Variants in WIZ observed in about 807,000 individuals in gnomAD.
WIZ encodes protein Wiz.
In WIZ, 25 loss-of-function variants were observed where a neutral mutation model predicts 140.2. The ratio of observed to expected loss-of-function variants is 0.18; its 90% CI spans 0.13 to 0.25. The LOEUF is 0.25. Among genes scored for constraint, WIZ ranks in the 10% least tolerant of loss-of-function variants. The pLI is 1.00. For missense variants in WIZ, 2,231 were observed against 2,632.6 expected (o/e 0.85, Z 3.34); for synonymous variants, 1,125 against 1,154.3 (o/e 0.97, Z 0.51).
Position 15,424,173 on chromosome 19 carries a change from G to C in WIZ, c.5510+10C>G. 6.7e-7 allele frequency: 1 copy of C among 1,501,194 alleles called. No homozygotes were observed. The highest frequency in any genetic ancestry group is 8.9e-7 in the Non-Finnish European group (1 of 1,126,074). 93.0% of individuals were successfully genotyped at this position (1,501,194 alleles called of 1,614,324 possible). A position where few individuals can be genotyped will look rare whatever the true frequency, so the allele number is the denominator to read the frequency against. ...AGGTGGTCTCCCTCCCTCCCCCAGG[G>C]GCAGCCTACCTGCATTTGAGGGTGT... On this transcript the variant is annotated intron_variant, in intron 12 of 12. Coordinates refer to ENST00000673675, the MANE Select transcript of WIZ (RefSeq NM_001371589.1). This position sits in a 1 kb window ranked among gnomAD's most constrained non-coding sequence, Gnocchi z 9.7.
At chr19:15,426,254 G>A (rs1422207969) in intron 9 of WIZ, among the ~76,000 whole-genome samples, 1 of 152,062 alleles carries the variant, frequency 6.6e-6, no homozygotes, top group East Asian at 1.9e-4. Flanking sequence ...GCACAGAGCT[G>A]GTACACAACA....
chr19:15,429,163 A>G lies in WIZ; in HGVS notation c.3415+423T>C, dbSNP rs576878842. On this transcript the variant is annotated intron_variant, in intron 7 of 12. Coordinates refer to ENST00000673675, the MANE Select transcript of WIZ (RefSeq NM_001371589.1). ...TGGACAGCCAGGAAGACTTGATGACAGGACCAATCGTGGGCACCTCCCATC... is the reference window on the plus strand; with the variant it reads ...TGGACAGCCAGGAAGACTTGATGACGGGACCAATCGTGGGCACCTCCCATC... Among the ~76,000 whole-genome samples, 180 of 152,280 alleles carry G rather than the reference A, an allele frequency of 1.2e-3. 1 individual carries two copies. Among genetic ancestry groups the G allele is most frequent in the Admixed American group, 1.4e-3 (21 of 15,302 alleles).
rs936061710 is a variant in WIZ at position 15,420,133 on chromosome 19, C to G, written c.*2943G>C. On this transcript the variant is annotated 3_prime_UTR_variant, in exon 13 of 13. Transcript: ENST00000673675. ...CAGGATGTGCTTCACACAATTCAGA[C>G]AGGTAGAGAGAGGAGGAGGAAGCAA... is the stretch of plus-strand genomic sequence containing the variant. 2.0e-5 allele frequency: 3 copies of G among 152,170 alleles called. No individual in the cohort carries two copies. Among genetic ancestry groups the G allele is most frequent in the Non-Finnish European group, 4.4e-5 (3 of 68,046 alleles). 9.4% of individuals were successfully genotyped at this position (152,170 alleles called of 1,614,324 possible).
chr19:15,440,022 G>A lies in WIZ; in HGVS notation c.972C>T (p.Phe324=). ...VFPCIECSIY[F]KQKEHLLEHM... ...GCTCCAGGAGGTGCTCCTTCTGCTT[G>A]AAGTAGATGCTGCACTCGATGCATG... The change falls in exon 4 of 13, where the codon TTC becomes TTT. Residue 324 remains phenylalanine, a synonymous_variant. Transcript: ENST00000673675. The surrounding 1 kb of genome is among the most constrained non-coding windows in gnomAD (Gnocchi z 6.2). 6.5e-7 allele frequency: 1 copy of A among 1,535,838 alleles called. No individual in the cohort carries two copies. The highest frequency in any genetic ancestry group is 2.4e-5 in the East Asian group (1 of 40,862).
chr19:15,444,195 C>T (rs1969840224), intron 2 of WIZ, among the ~76,000 whole-genome samples: 2 of 152,210 alleles, frequency 1.3e-5, no homozygotes, highest in South Asian at 4.2e-4. Context: ...CCTCATCATC[C>T]AATTGGCCCG....
Position 15,421,457 on chromosome 19 carries a change from A to T in WIZ, c.*1619T>A, listed in dbSNP as rs193085013. On this transcript the variant is annotated 3_prime_UTR_variant, in exon 13 of 13. Transcript: ENST00000673675. ...GTCCACACGCCATGAGGTCGTTCCC[A>T]CTCTCCAGCACTTGACCGTTTAGTA... 3.4e-4 allele frequency: 52 copies of T among 152,336 alleles called. No homozygotes were observed. The highest frequency in any genetic ancestry group is 1.2e-3 in the African/African-American group (49 of 41,530). The allele number at this position is 152,336 out of a possible 1,614,324, so 9.4% of individuals were successfully genotyped here.
rs548105462 is a variant in WIZ at position 15,424,776 on chromosome 19, C to G, written c.5151G>C (p.Pro1717=). The stretch of plus-strand genomic sequence containing the variant: ...GGCCCCCGGGTGCCAGCCCCAGGGA[C>G]GGCCGCTTGTCACTGTCACGGCCAT... ...AGHGRDSDKR[P]SLGLAPGGLA... is the part of the protein sequence containing the mutation. Residue 1717 remains proline (P), a synonymous_variant, in exon 11 of 13, where the codon CCG becomes CCC. Transcript: ENST00000673675. This position sits in a 1 kb window ranked among gnomAD's most constrained non-coding sequence, Gnocchi z 9.7. The G allele has an allele frequency of 6.3e-7, 1 of 1,586,488 alleles. No homozygotes were observed. Among genetic ancestry groups the G allele is most frequent in the Non-Finnish European group, 8.6e-7 (1 of 1,168,260 alleles).
chr19:15,427,660 G>T lies in WIZ; in HGVS notation c.3815-127C>A. 9.2e-7 allele frequency: 1 copy of T among 1,086,118 alleles called. No individual in the cohort carries two copies. The allele number at this position is 1,086,118 out of a possible 1,614,324, so 67.3% of individuals were successfully genotyped here. ...CCACAGGTTAGGGTGGTGAGGGCAG[G>T]TGCAGGTAAGGGAGTGGAGGAGCGG... On this transcript the variant is annotated intron_variant, in intron 8 of 12. Transcript: ENST00000673675. This position sits in a 1 kb window ranked among gnomAD's most constrained non-coding sequence, Gnocchi z 6.4.
chr19:15,424,830 G>C lies in WIZ; in HGVS notation c.5097C>G (p.Pro1699=). The C allele has an allele frequency of 6.2e-7, 1 of 1,609,898 alleles. No homozygotes were observed. Residue 1699 remains proline, a synonymous_variant, in exon 11 of 13, where the codon CCC becomes CCG. Transcript: ENST00000673675. The surrounding 1 kb of genome is among the most constrained non-coding windows in gnomAD (Gnocchi z 9.7). Reference sequence around the variant, plus strand: ...CGGCACTGCGGAACTTCTTGGTGAAGGGGCGGCCGCCCTGGATGTAGCTGC... The same window carrying C: ...CGGCACTGCGGAACTTCTTGGTGAACGGGCGGCCGCCCTGGATGTAGCTGC... ...AYRSYIQGGR[P]FTKKFRSAGH... is the part of the protein sequence containing the mutation.
In WIZ at chr19:15,427,177, T is replaced by C. The variant is rs1168786626; in HGVS notation, c.4171A>G (p.Thr1391Ala). The C allele has an allele frequency of 1.2e-6, 2 of 1,613,928 alleles. No individual in the cohort carries two copies. Among genetic ancestry groups the C allele is most frequent in the African/African-American group, 1.3e-5 (1 of 74,846 alleles). The change falls in exon 9 of 13, where the codon ACT (threonine) becomes GCT (alanine). Residue 1391 changes from threonine to alanine, a missense_variant. Around this residue, in one of 15 missense-constraint regions of WIZ, gnomAD observed 393 missense variants for 451.7 expected, o/e 0.87. Transcript: ENST00000673675. This position sits in a 1 kb window ranked among gnomAD's most constrained non-coding sequence, Gnocchi z 6.4. Reference protein sequence around the residue: ...PPGSPLGHSPTASPPPTARKM... With the variant: ...PPGSPLGHSPAASPPPTARKM... Reference sequence around the variant, plus strand: ...CGGGCCGTAGGAGGAGGAGAGGCAGTTGGTGAGTGGCCCAGGGGGCTGCCC... The same window carrying C: ...CGGGCCGTAGGAGGAGGAGAGGCAGCTGGTGAGTGGCCCAGGGGGCTGCCC...
Position 15,439,760 on chromosome 19 carries a change from A to C in WIZ, c.1234T>G (p.Ser412Ala). The C allele has an allele frequency of 6.8e-7, 1 of 1,479,472 alleles. No individual in the cohort carries two copies. Among genetic ancestry groups the C allele is most frequent in the Non-Finnish European group, 8.9e-7 (1 of 1,120,076 alleles). 91.6% of individuals were successfully genotyped at this position (1,479,472 alleles called of 1,614,324 possible). A position where few individuals can be genotyped will look rare whatever the true frequency, so the allele number is the denominator to read the frequency against. ...GCATGCTGCACATAGGCCCTGGATG[A>C]ATTGGTGCCAAAGACACACTTAGGG... The part of the protein sequence containing the change: ...QCPKCVFGTN[S>A]SRAYVQHAKL... Residue 412 changes from serine to alanine, a missense_variant, in exon 4 of 13, where the codon TCA (serine) becomes GCA (alanine). This residue lies in a region of WIZ where 475 missense variants were observed against 520.2 expected (regional missense o/e 0.91). Coordinates refer to ENST00000673675, the MANE Select transcript of WIZ (RefSeq NM_001371589.1). This position sits in a 1 kb window ranked among gnomAD's most constrained non-coding sequence, Gnocchi z 7.0.
At position 15,442,520 on chromosome 19, in the gene WIZ, C is replaced by T. The variant is rs984385756; in HGVS notation, c.278+156G>A. Reference sequence around the variant, plus strand: ...AGACCTCCCCCAACCCCAGCACACGCCCAGGGGCTTGCCTGCCGGGAGCTG... The same window carrying T: ...AGACCTCCCCCAACCCCAGCACACGTCCAGGGGCTTGCCTGCCGGGAGCTG... On this transcript the variant is annotated intron_variant, in intron 3 of 12. Transcript: ENST00000673675. The surrounding 1 kb of genome is among the most constrained non-coding windows in gnomAD (Gnocchi z 5.5). Among the ~76,000 whole-genome samples the T allele has an allele frequency of 6.6e-6, 1 of 152,154 alleles. No homozygotes were observed. The highest frequency in any genetic ancestry group is 6.5e-5 in the Admixed American group (1 of 15,290).
At position 15,424,691 on chromosome 19, in the gene WIZ, C is replaced by G; in HGVS notation, c.5236G>C (p.Asp1746His). ...EPGPEAGRAA[D>H]GGERPLAASP... Reference sequence around the variant, plus strand: ...GCTGCCAGAGGCCGCTCACCACCGTCGGCTGCCCGGCCAGCCTCGGGCCCT... The same window carrying G: ...GCTGCCAGAGGCCGCTCACCACCGTGGGCTGCCCGGCCAGCCTCGGGCCCT... Residue 1746 changes from aspartate (D) to histidine (H), a missense_variant, in exon 11 of 13, where the codon GAC becomes CAC. By Grantham distance (81) the Asp-to-His change is moderately conservative. Around this residue, in one of 15 missense-constraint regions of WIZ, gnomAD observed 299 missense variants for 309.6 expected, o/e 0.97. Coordinates refer to ENST00000673675, the MANE Select transcript of WIZ (RefSeq NM_001371589.1). This position sits in a 1 kb window ranked among gnomAD's most constrained non-coding sequence, Gnocchi z 9.7. 1 of 1,585,686 alleles carries G rather than the reference C, an allele frequency of 6.3e-7. No homozygotes were observed. Among genetic ancestry groups the G allele is most frequent in the Non-Finnish European group, 8.5e-7 (1 of 1,174,030 alleles).
At chr19:15,432,851 C>CGCCGAGT (rs967333260) in intron 5 of WIZ, among the ~76,000 whole-genome samples, 1 of 151,722 alleles carries the variant, frequency 6.6e-6, no homozygotes, top group African/African-American at 2.4e-5. Context: ...GAGCGCCGAG[C>CGCCGAGT]GCCGAGTGCC....
At position 15,424,847 on chromosome 19, in the gene WIZ, T is replaced by C. The variant is rs754028181; in HGVS notation, c.5080A>G (p.Ile1694Val). The part of the protein sequence containing the change: ...PQKVGAYRSY[I>V]QGGRPFTKKF... ...TTGGTGAAGGGGCGGCCGCCCTGGA[T>C]GTAGCTGCGGTAGGCGCCCACCTTC... The change falls in exon 11 of 13, where the codon ATC becomes GTC. Residue 1694 changes from isoleucine to valine, a missense_variant. Ile to Val is a conservative substitution (Grantham distance 29). This residue lies in a region of WIZ where 299 missense variants were observed against 309.6 expected (regional missense o/e 0.97). Transcript: ENST00000673675. This position sits in a 1 kb window ranked among gnomAD's most constrained non-coding sequence, Gnocchi z 9.7. The C allele has an allele frequency of 6.2e-7, 1 of 1,611,076 alleles. No individual in the cohort carries two copies. The highest frequency in any genetic ancestry group is 1.7e-5 in the Admixed American group (1 of 59,848).
intron 2 of WIZ, among the ~76,000 whole-genome samples, chr19:15,444,063 G>A (rs1269969659): frequency 1.3e-5 from 2 of 152,224 alleles, no homozygotes; most frequent in African/African-American, 2.4e-5. Context: ...CCGGGCCAAG[G>A]TTAACACACT....
intron 5 of WIZ, among the ~76,000 whole-genome samples, chr19:15,434,011 T>C (rs567507452): frequency 1.3e-5 from 2 of 152,092 alleles, no homozygotes; most frequent in Non-Finnish European, 2.9e-5. Flanking sequence ...TCCCAGCACT[T>C]TGGGAGGCCA....
rs1968658682 is a variant in WIZ at position 15,425,130 on chromosome 19, C to A, written c.4895-98G>T. 3.3e-6 allele frequency: 5 copies of A among 1,518,154 alleles called. No homozygotes were observed. In the South Asian group the frequency reaches 3.7e-5, roughly 11 times the overall value. The allele number at this position is 1,518,154 out of a possible 1,614,324, so 94.0% of individuals were successfully genotyped here. A position where few individuals can be genotyped will look rare whatever the true frequency, so the allele number is the denominator to read the frequency against. ...CCAGGTGCCAATCCCGCCTCCCACA[C>A]AGACCCAGCCATGGGGGCCCCACTT... On this transcript the variant is annotated intron_variant, in intron 10 of 12. Coordinates refer to ENST00000673675, the MANE Select transcript of WIZ (RefSeq NM_001371589.1).
At chr19:15,448,763 C>G (rs1407244052) in intron 1 of WIZ, among the ~76,000 whole-genome samples, 1 of 152,152 alleles carries the variant, frequency 6.6e-6, no homozygotes, top group African/African-American at 2.4e-5. Flanking sequence ...TACTGCCATG[C>G]CTTCGTTTCC....
Sources: allele counts gnomAD v4.1 joint callset (sites outside exome capture counted in the v4.1 genomes callset), GRCh38; gene constraint gnomAD v4.1.1; regional missense constraint gnomAD v4.1.1; non-coding constraint Gnocchi (gnomAD v3.1); transcripts MANE v1.5; gene names NCBI Gene and HGNC (gene_info 2026-07-23, HGNC 2026-07-21).